Variants in CA13 observed in about 807,000 individuals in gnomAD.
The protein encoded by CA13 is carbonic anhydrase 13, also known as CA-XIII.
In CA13, 21 loss-of-function variants were observed where a neutral mutation model predicts 31.5. That is an observed-to-expected ratio of 0.67 (90% confidence interval 0.47 to 0.96). CA13 has a LOEUF of 0.96. Among genes scored for constraint, CA13 ranks in the 40% least tolerant of loss-of-function variants. The pLI, the probability that CA13 is intolerant of heterozygous loss-of-function variation, is 0.00. For synonymous variants in CA13, 117 were observed against 111.4 expected (o/e 1.05, Z -0.32); for missense variants, 315 against 318.9 (o/e 0.99, Z 0.09).
At chr8:85,274,313 G>A (rs980017401) in intron 6 of CA13, among the ~76,000 whole-genome samples, 7 of 152,118 alleles carry the variant, frequency 4.6e-5, no homozygotes, top group African/African-American at 1.4e-4. Context: ...CCATCATGTC[G>A]CTGTAGCAGG....
intron 6 of CA13, among the ~76,000 whole-genome samples, chr8:85,279,412 AC>A (rs1807664347): frequency 6.6e-6 from 1 of 152,218 alleles, no homozygotes; most frequent in African/African-American, 2.4e-5. Context: ...TACAGGGTCG[AC>A]CTAGCTGGGC....
At chr8:85,248,375 T>C (rs1471794730) in intron 1 of CA13, among the ~76,000 whole-genome samples, 1 of 151,064 alleles carries the variant, frequency 6.6e-6, no homozygotes, top group Non-Finnish European at 1.5e-5. Context: ...GAGAATTGCT[T>C]GAACCTGGGA....
intron 6 of CA13, among the ~76,000 whole-genome samples, chr8:85,274,949 T>A (rs922568238): frequency 6.6e-6 from 1 of 152,108 alleles, no homozygotes; most frequent in Non-Finnish European, 1.5e-5. Flanking sequence ...GTAAAAAGAA[T>A]CCAGCTTTAA....
chr8:85,273,485 C>T lies in CA13; in HGVS notation c.669+4858C>T, dbSNP rs191724241. On this transcript the variant is annotated intron_variant, in intron 6 of 6. Coordinates refer to ENST00000321764, the MANE Select transcript of CA13 (RefSeq NM_198584.3). ...TGTAATCCCACTGAAAGATTCTCCC[C>T]GGGGCCTGAAAGCTTAAGGGAATGA... Among the ~76,000 whole-genome samples the T allele has an allele frequency of 6.6e-4, 100 of 152,180 alleles. 1 individual carries two copies. Among genetic ancestry groups the T allele is most frequent in the Admixed American group, 5.2e-3 (79 of 15,292 alleles).
intron 4 of CA13, 91 bp from the exon 5 acceptor site, chr8:85,267,811 T>A: frequency 1.3e-6 from 1 of 766,398 alleles, no homozygotes; most frequent in South Asian, 1.9e-5. Context: ...AAGGTTTTTT[T>A]AAAAAATAAT....
chr8:85,258,965 C>T (rs952768479), intron 2 of CA13, among the ~76,000 whole-genome samples: 4 of 151,704 alleles, frequency 2.6e-5, no homozygotes, highest in African/African-American at 9.7e-5. Flanking sequence ...TGTTCAAGAT[C>T]ACATAATTAG....
intron 6 of CA13, 46 bp downstream of exon 6, chr8:85,268,673 TG>T: frequency 2.2e-6 from 3 of 1,383,204 alleles, no homozygotes; most frequent in Non-Finnish European, 1.9e-6. Flanking sequence ...CAGAGGAAAC[TG>T]GGCTTTTTTT....
chr8:85,255,920 C>T (rs2129960452), intron 2 of CA13, among the ~76,000 whole-genome samples: 1 of 152,088 alleles, frequency 6.6e-6, no homozygotes, highest in South Asian at 2.1e-4. Flanking sequence ...TAGTTGGCTT[C>T]TCTGTCTTTC....
chr8:85,260,721 T>C (rs1399993539), intron 3 of CA13, among the ~76,000 whole-genome samples: 2 of 152,242 alleles, frequency 1.3e-5, no homozygotes, highest in Non-Finnish European at 2.9e-5. Context: ...GTGGGACTGC[T>C]GAATTTGTAT....
In CA13 at chr8:85,259,569, A is replaced by G. The variant is rs745998754; in HGVS notation, c.354+30A>G. ...GCCATAAGACATATCTGTGATTCACAGTTTTCCCACATGGTGGAATTTAAG... is the reference window on the plus strand; with the variant it reads ...GCCATAAGACATATCTGTGATTCACGGTTTTCCCACATGGTGGAATTTAAG... On this transcript the variant is annotated intron_variant, in intron 3 of 6. Transcript: ENST00000321764. 5.7e-6 allele frequency: 9 copies of G among 1,571,844 alleles called. No individual in the cohort carries two copies. The Admixed American group carries it at 1.5e-4, about 26-fold the overall frequency.
At chr8:85,256,055 A>G (rs1274458219) in intron 2 of CA13, among the ~76,000 whole-genome samples, 1 of 151,984 alleles carries the variant, frequency 6.6e-6, no homozygotes, top group Non-Finnish European at 1.5e-5. Flanking sequence ...AAAAACTTGT[A>G]TGACGGAAAG....
intron 2 of CA13, 80 bp downstream of exon 2, chr8:85,251,017 TTTTGA>T: frequency 8.5e-7 from 1 of 1,174,106 alleles, no homozygotes; most frequent in Non-Finnish European, 1.2e-6. Context: ...TTTTTTTTTT[TTTTGA>T]GACAGAGTCT....
chr8:85,249,608 T>C (rs1169367193), intron 1 of CA13, among the ~76,000 whole-genome samples: 1 of 152,226 alleles, frequency 6.6e-6, no homozygotes, highest in Non-Finnish European at 1.5e-5. Context: ...ATGTTTTTGG[T>C]TGTCGTTAGT....
chr8:85,248,250 G>A (rs997246495), intron 1 of CA13, among the ~76,000 whole-genome samples: 12 of 152,118 alleles, frequency 7.9e-5, no homozygotes, highest in African/African-American at 1.4e-4. Flanking sequence ...CTGAGATCGG[G>A]AGTTCAAGAC....
intron 2 of CA13, among the ~76,000 whole-genome samples, chr8:85,258,323 A>C (rs1807328968): frequency 6.6e-6 from 1 of 152,130 alleles, no homozygotes; most frequent in East Asian, 1.9e-4. Context: ...TTAAGATATG[A>C]TTTATTGTCA....
chr8:85,255,837 C>CA (rs1450612271), intron 2 of CA13, among the ~76,000 whole-genome samples: 3 of 152,172 alleles, frequency 2.0e-5, no homozygotes, highest in Non-Finnish European at 2.9e-5. Context: ...GAGGCCCTAC[C>CA]ACCCTTGCTG....
chr8:85,275,851 A>G (rs1291891292), intron 6 of CA13, among the ~76,000 whole-genome samples: 2 of 152,240 alleles, frequency 1.3e-5, no homozygotes, highest in Non-Finnish European at 2.9e-5. Context: ...GGATTGTTGT[A>G]TTTTTCCTCC....
intron 2 of CA13, among the ~76,000 whole-genome samples, chr8:85,253,788 GT>G (rs761882288): frequency 5.3e-5 from 8 of 152,218 alleles, no homozygotes; most frequent in East Asian, 1.9e-4. Flanking sequence ...AGGATGATTA[GT>G]TAGGCCCAGG....
intron 5 of CA13, 28 bp downstream of exon 5, chr8:85,267,992 C>G: frequency 7.3e-7 from 1 of 1,367,832 alleles, no homozygotes; most frequent in Middle Eastern, 1.8e-4. Context: ...TAATAATTAA[C>G]ATATTTCTTG....
Sources: allele counts gnomAD v4.1 joint callset (sites outside exome capture counted in the v4.1 genomes callset), GRCh38; gene constraint gnomAD v4.1.1; transcripts MANE v1.5; gene names NCBI Gene and HGNC (gene_info 2026-07-23, HGNC 2026-07-21).